TAF8: variants seen among roughly 807,000 people sequenced by gnomAD.
TAF8 encodes the protein TATA-box binding protein associated factor 8.
TAF8 carries 47 observed loss-of-function variants against 36.5 expected under a neutral mutation model. That is an observed-to-expected ratio of 1.29 (90% CI 1.02 to 1.64). The LOEUF is 1.64. TAF8 is among the 40% of genes most tolerant of loss of function. The pLI is 0.00. For synonymous variants in TAF8, 175 were observed against 159.5 expected (o/e 1.10, Z -0.73); for missense variants, 420 against 407.6 (o/e 1.03, Z -0.26).
At chr6:42,052,858 AC>A (rs1436373369) in intron 2 of TAF8, among the ~76,000 whole-genome samples, 4 of 152,082 alleles carry the variant, frequency 2.6e-5, no homozygotes, top group African/African-American at 7.2e-5. Context: ...AAAGAAGTGG[AC>A]AACTTAGCCA....
At chr6:42,073,243 C>G (rs528090791) in intron 7 of TAF8, among the ~76,000 whole-genome samples, 2 of 152,178 alleles carry the variant, frequency 1.3e-5, no homozygotes, top group Non-Finnish European at 2.9e-5. Context: ...ACCCAGATAT[C>G]TAAGCTTTTA....
chr6:42,076,987 C>T, intron 7 of TAF8, 113 bp from the exon 8 acceptor site: 1 of 1,321,888 alleles, frequency 7.6e-7, no homozygotes, highest in Non-Finnish European at 1.0e-6. Flanking sequence ...AAAGAAGGTG[C>T]TTCCCAGGTT....
At chr6:42,070,210 C>T (rs1436846981) in intron 7 of TAF8, among the ~76,000 whole-genome samples, 9 of 152,086 alleles carry the variant, frequency 5.9e-5, no homozygotes, top group East Asian at 3.9e-4. Context: ...AACTAAAGGC[C>T]GGGCGCGGTG....
intron 5 of TAF8, among the ~76,000 whole-genome samples, chr6:42,064,914 G>T (rs9471747): frequency 7.8e-4 from 91 of 116,738 alleles, no homozygotes; most frequent in Admixed American, 2.6e-3. Context: ...CAGAGATCCC[G>T]CCACTGCACT....
intron 7 of TAF8, among the ~76,000 whole-genome samples, chr6:42,072,729 G>GTT (rs200182439): frequency 1.7e-4 from 24 of 143,478 alleles, no homozygotes; most frequent in Admixed American, 9.8e-4. Flanking sequence ...TTTTTTGTTT[G>GTT]TTTTTTTTTT....
downstream of TAF8, among the ~76,000 whole-genome samples, chr6:42,085,958 C>G (rs1002148754): frequency 2.6e-5 from 4 of 152,234 alleles, no homozygotes; most frequent in African/African-American, 7.2e-5. Context: ...GCCCTCCAGC[C>G]TGGTAACAGA....
In TAF8 at chr6:42,066,397, G is replaced by A. The variant is rs374759131; in HGVS notation, c.575G>A (p.Arg192His). 76 of 1,614,210 alleles carry A rather than the reference G, an allele frequency of 4.7e-5. 1 individual carries two copies. The Middle Eastern group carries it at 8.2e-4, about 18-fold the overall frequency. Residue 192 changes from arginine to histidine, a missense_variant, in exon 6 of 9, where the codon CGT (arginine) becomes CAT (histidine). Transcript: ENST00000372977. ...CGCGATGTGGAGCGGGCACTTACCC[G>A]TTTCATGGCCAAGACAGGCGAGACT... The part of the protein sequence containing the change: ...QRRDVERALT[R>H]FMAKTGETQS...
downstream of TAF8, among the ~76,000 whole-genome samples, chr6:42,084,037 C>T (rs111605220): frequency 0.047 from 7,214 of 151,980 alleles, 254 homozygotes; most frequent in Non-Finnish European, 0.078. Context: ...AAAAATTAGC[C>T]GGGCATGGTG....
chr6:42,077,165 C>T lies in TAF8; in HGVS notation c.846C>T (p.Ser282=), dbSNP rs1202317518. 2.5e-6 allele frequency: 4 copies of T among 1,614,130 alleles called. No homozygotes were observed. In the South Asian group the frequency reaches 4.4e-5, roughly 18 times the overall value. ...VLQQNPSLSG[S]RNGEENIIDN... is the part of the protein sequence containing the mutation. ...AGCAGAACCCCTCCTTGTCGGGTAGCCGGAATGGGGAGGAGAACATCATCG... is the reference window on the plus strand; with the variant it reads ...AGCAGAACCCCTCCTTGTCGGGTAGTCGGAATGGGGAGGAGAACATCATCG... Residue 282 remains serine (S), a synonymous_variant, in exon 8 of 9, where the codon AGC becomes AGT. Transcript: ENST00000372977.
In TAF8 at chr6:42,051,485, G is replaced by A; in HGVS notation, c.174G>A (p.Val58=). ...AGFESAEKAS[V]ETLTEMLQSY... ...TTGAGAGTGCCGAGAAAGCATCCGT[G>A]GAAACGCTGACAGAGATGCTGCAGA... The change falls in exon 2 of 9, where the codon GTG becomes GTA. Residue 58 remains valine, a synonymous_variant. Transcript: ENST00000372977. 1 of 1,614,040 alleles carries A rather than the reference G, an allele frequency of 6.2e-7. No homozygotes were observed. Among genetic ancestry groups the A allele is most frequent in the Admixed American group, 1.7e-5 (1 of 60,018 alleles).
intron 7 of TAF8, among the ~76,000 whole-genome samples, chr6:42,073,361 CAA>C (rs1410541893): frequency 2.7e-5 from 4 of 150,694 alleles, no homozygotes; most frequent in Non-Finnish European, 1.5e-5. Flanking sequence ...GTGAGAAAAA[CAA>C]AGAAAACCTC....
chr6:42,060,002 G>C (rs1285955559), intron 5 of TAF8, among the ~76,000 whole-genome samples: 1 of 152,210 alleles, frequency 6.6e-6, no homozygotes, highest in Non-Finnish European at 1.5e-5. Flanking sequence ...GTTTGCAACT[G>C]TCTGAGTGTA....
At chr6:42,086,358 G>T (rs569969451), downstream of TAF8, among the ~76,000 whole-genome samples, 1 of 152,298 alleles carries the variant, frequency 6.6e-6, no homozygotes, top group Non-Finnish European at 1.5e-5. Context: ...TATGATTGAG[G>T]TGAGCTTTTC....
In TAF8 at chr6:42,079,266, G is replaced by A; in HGVS notation, c.*1721G>A. ...AAGGCTGGTGGATGGGCAGGAGTGA[G>A]CCAAGCTGAGGCGTTCTGCAAGAAG... On this transcript the variant is annotated 3_prime_UTR_variant, in exon 9 of 9. Coordinates refer to ENST00000372977, the MANE Select transcript of TAF8 (RefSeq NM_138572.3). The A allele has an allele frequency of 1.0e-6, 1 of 985,638 alleles. No homozygotes were observed. Among genetic ancestry groups the A allele is most frequent in the Non-Finnish European group, 1.2e-6 (1 of 830,014 alleles). 61.1% of individuals were successfully genotyped at this position (985,638 alleles called of 1,614,324 possible). A position where few individuals can be genotyped will look rare whatever the true frequency, so the allele number is the denominator to read the frequency against.
chr6:42,080,974 T>C lies in TAF8; in HGVS notation c.*3429T>C, dbSNP rs988587572. 7.1e-6 allele frequency: 7 copies of C among 985,244 alleles called. No homozygotes were observed. Among genetic ancestry groups the C allele is most frequent in the Non-Finnish European group, 8.4e-6 (7 of 829,886 alleles). The allele number at this position is 985,244 out of a possible 1,614,324, so 61.0% of individuals were successfully genotyped here. Reference sequence around the variant, plus strand: ...GCAATGTGGACAAATAAGTCAGGCTTAGCCCTTGTGTTGGCCTAAGCACAC... The same window carrying C: ...GCAATGTGGACAAATAAGTCAGGCTCAGCCCTTGTGTTGGCCTAAGCACAC... On this transcript the variant is annotated 3_prime_UTR_variant, in exon 9 of 9. Coordinates refer to ENST00000372977, the MANE Select transcript of TAF8 (RefSeq NM_138572.3).
intron 7 of TAF8, among the ~76,000 whole-genome samples, chr6:42,074,685 C>T (rs1336681117): frequency 6.6e-6 from 1 of 152,144 alleles, no homozygotes; most frequent in Non-Finnish European, 1.5e-5. Context: ...TAGGCGCCTA[C>T]CACCATGCCC....
chr6:42,080,946 A>G lies in TAF8; in HGVS notation c.*3401A>G, dbSNP rs566648063. 2.3e-5 allele frequency: 23 copies of G among 985,298 alleles called. No individual in the cohort carries two copies. Among genetic ancestry groups the G allele is most frequent in the South Asian group, 4.7e-5 (1 of 21,294 alleles). The allele number at this position is 985,298 out of a possible 1,614,324, so 61.0% of individuals were successfully genotyped here. On this transcript the variant is annotated 3_prime_UTR_variant, in exon 9 of 9. Coordinates refer to ENST00000372977, the MANE Select transcript of TAF8 (RefSeq NM_138572.3). Reference sequence around the variant, plus strand: ...GAACTTAATTTGTGTTCAAAAGTTAACAGCAATGTGGACAAATAAGTCAGG... The same window carrying G: ...GAACTTAATTTGTGTTCAAAAGTTAGCAGCAATGTGGACAAATAAGTCAGG...
Position 42,082,914 on chromosome 6 carries a change from C to A in TAF8, c.*5369C>A, listed in dbSNP as rs1341090992. 6.6e-6 allele frequency: 1 copy of A among 152,200 alleles called. No individual in the cohort carries two copies. Among genetic ancestry groups the A allele is most frequent in the African/African-American group, 2.4e-5 (1 of 41,446 alleles). The allele number at this position is 152,200 out of a possible 1,614,324, so 9.4% of individuals were successfully genotyped here. ...ACCCTGGCGCTCCTGGAAAAAAATT[C>A]AAGGTATTTTTCCTCCTCTTGGAGC... On this transcript the variant is annotated 3_prime_UTR_variant, in exon 9 of 9. Transcript: ENST00000372977.
intron 7 of TAF8, among the ~76,000 whole-genome samples, chr6:42,075,289 T>G (rs1361661440): frequency 6.6e-6 from 1 of 152,172 alleles, no homozygotes; most frequent in Non-Finnish European, 1.5e-5. Context: ...CCTGCAGCAC[T>G]TGCTTTCAAG....
Sources: gnomAD v4.1 joint callset for allele counts (sites outside exome capture counted in the v4.1 genomes callset) on GRCh38, gnomAD v4.1.1 for gene constraint, MANE v1.5 for transcripts, NCBI Gene and HGNC (gene_info 2026-07-23, HGNC 2026-07-21) for gene names.